The following FAM107A variants were observed in gnomAD, a reference collection of about 807,000 sequenced individuals.
FAM107A encodes the protein family with sequence similarity 107 member A, also known as actin-associated protein FAM107A.
Under a neutral mutation model 13.7 loss-of-function variants are expected in FAM107A, and 19 were observed. That is an observed-to-expected ratio of 1.38 (90% confidence interval 0.97 to 2.03). The LOEUF is 2.03. Among genes scored for constraint, FAM107A ranks in the 30% most tolerant of loss-of-function variants. The probability of loss-of-function intolerance (pLI) is 0.00; values close to 1 mark genes in which losing one functional copy is unlikely to be tolerated. For missense variants in FAM107A, 203 were observed against 184.4 expected, an observed-to-expected ratio of 1.10 and a Z score of -0.58; for synonymous variants, 82 against 74.5, an observed-to-expected ratio of 1.10 and a Z score of -0.52.
upstream of FAM107A, among the ~76,000 whole-genome samples, chr3:58,582,112 T>C (rs1313695513): frequency 6.6e-6 from 1 of 152,260 alleles, no homozygotes; most frequent in African/African-American, 2.4e-5. Context: ...TCATGATTCC[T>C]GGCAGCATAG....
chr3:58,621,848 TG>T (rs1559488900), intron 1 of FAM107A, among the ~76,000 whole-genome samples: 1 of 152,226 alleles, frequency 6.6e-6, no homozygotes, highest in Non-Finnish European at 1.5e-5. Flanking sequence ...GAGTGCTGCC[TG>T]GCTAGGCACA....
At chr3:58,597,947 G>T (rs1203277850) in intron 1 of FAM107A, among the ~76,000 whole-genome samples, 1 of 152,208 alleles carries the variant, frequency 6.6e-6, no homozygotes, top group Non-Finnish European at 1.5e-5. Flanking sequence ...TTTTACAGAG[G>T]AGGAAACTGA....
chr3:58,590,131 A>G (rs1166518895), upstream of FAM107A, among the ~76,000 whole-genome samples: 2 of 152,194 alleles, frequency 1.3e-5, no homozygotes, highest in Admixed American at 6.5e-5. Context: ...ACCTTGTCCA[A>G]TCAGCTACCT....
intron 1 of FAM107A, among the ~76,000 whole-genome samples, chr3:58,594,570 T>C (rs9830524): frequency 0.24 from 37,123 of 152,118 alleles, 5,165 homozygotes; most frequent in East Asian, 0.46. Flanking sequence ...TCTCCACCTA[T>C]ATGTGTCTAC....
rs892421691 is a variant in FAM107A, at chr3:58,604,395, A to G, written c.-69-15126T>C. Among the ~76,000 whole-genome samples the G allele has an allele frequency of 6.6e-6, 1 of 152,058 alleles. No individual in the cohort carries two copies. The highest frequency in any genetic ancestry group is 6.5e-5 in the Admixed American group (1 of 15,274). On this transcript the variant is annotated intron_variant, in intron 1 of 3. Transcript: ENST00000465970. This position sits in a 1 kb window ranked among gnomAD's most constrained non-coding sequence, Gnocchi z 4.1. ...GGGCTGATAACAGGTCCTGTGCCAGACAGACTCAGAATTCTGGAGAGAAAG... is the reference window on the plus strand; with the variant it reads ...GGGCTGATAACAGGTCCTGTGCCAGGCAGACTCAGAATTCTGGAGAGAAAG...
At chr3:58,605,006 C>T (rs954505721) in intron 1 of FAM107A, among the ~76,000 whole-genome samples, 1 of 152,200 alleles carries the variant, frequency 6.6e-6, no homozygotes, top group African/African-American at 2.4e-5. Context: ...CTTGTTTTTG[C>T]ACTCCTGCAA....
At chr3:58,611,971 C>T (rs59527776) in intron 1 of FAM107A, among the ~76,000 whole-genome samples, 139,286 of 150,138 alleles carry the variant, frequency 0.93, 64,765 homozygotes, top group Non-Finnish European at 0.96. Flanking sequence ...GGTTTTTTTT[C>T]TTCTTCTTTT....
intron 1 of FAM107A, among the ~76,000 whole-genome samples, chr3:58,605,280 G>T (rs2065783632): frequency 6.6e-6 from 1 of 152,172 alleles, no homozygotes. Context: ...CTGCTCTCTG[G>T]TAAGTCTCAG....
At chr3:58,611,880 T>C (rs749737783) in intron 1 of FAM107A, among the ~76,000 whole-genome samples, 22 of 152,220 alleles carry the variant, frequency 1.4e-4, no homozygotes, top group Non-Finnish European at 2.8e-4. Context: ...AAATTATTTT[T>C]TGAAATGAAA....
chr3:58,586,764 G>A, intron 1 of FAM107A: 1 of 1,277,020 alleles, frequency 7.8e-7, no homozygotes, highest in Non-Finnish European at 1.0e-6. Context: ...AAGCAGAGGC[G>A]CCCAGCGGCG....
intron 1 of FAM107A, among the ~76,000 whole-genome samples, chr3:58,575,089 C>T (rs1011781148): frequency 1.3e-5 from 2 of 152,196 alleles, no homozygotes; most frequent in Admixed American, 6.5e-5. Flanking sequence ...TTCCACTTGC[C>T]TCTCCACTGT....
At chr3:58,580,161 T>C (rs2065514798), upstream of FAM107A, among the ~76,000 whole-genome samples, 1 of 151,934 alleles carries the variant, frequency 6.6e-6, no homozygotes, top group African/African-American at 2.4e-5. Context: ...CATGTCTATG[T>C]ATTGACCTGA....
At position 58,604,814 on chromosome 3, in the gene FAM107A, T is replaced by C. The variant is rs1038279032; in HGVS notation, c.-69-15545A>G. 2.6e-5 allele frequency among the ~76,000 whole-genome samples: 4 copies of C among 152,222 alleles called. No individual in the cohort carries two copies. Among genetic ancestry groups the C allele is most frequent in the African/African-American group, 7.2e-5 (3 of 41,458 alleles). ...TAGTTTCTATTGGCTGCTTTTTTCT[T>C]GACTAAGGATCACATTTTCCTGTCT... On this transcript the variant is annotated intron_variant, in intron 1 of 3. Transcript: ENST00000465970. The surrounding 1 kb of genome is among the most constrained non-coding windows in gnomAD (Gnocchi z 4.1).
intron 1 of FAM107A, chr3:58,574,337 G>C (rs1364151864): frequency 2.0e-5 from 3 of 152,306 alleles, no homozygotes; most frequent in South Asian, 2.1e-4. Context: ...AATGGGTTTG[G>C]GGGGCGGCTT....
At chr3:58,597,143 A>G (rs1409749066) in intron 1 of FAM107A, among the ~76,000 whole-genome samples, 2 of 152,224 alleles carry the variant, frequency 1.3e-5, no homozygotes, top group Non-Finnish European at 2.9e-5. Flanking sequence ...TATCACTCCT[A>G]AAGCTGCTAT....
At chr3:58,594,768 T>C (rs1431540191) in intron 1 of FAM107A, among the ~76,000 whole-genome samples, 1 of 152,194 alleles carries the variant, frequency 6.6e-6, no homozygotes, top group Non-Finnish European at 1.5e-5. Flanking sequence ...GAGGACTGTA[T>C]ATTTTCAAAT....
At chr3:58,616,081 C>T (rs1453881849) in intron 1 of FAM107A, among the ~76,000 whole-genome samples, 1 of 151,922 alleles carries the variant, frequency 6.6e-6, no homozygotes, top group South Asian at 2.1e-4. Flanking sequence ...GAGTAGGGAG[C>T]CCAGAGCACG....
At chr3:58,582,187 A>C (rs552414004), upstream of FAM107A, among the ~76,000 whole-genome samples, 1 of 152,364 alleles carries the variant, frequency 6.6e-6, no homozygotes, top group Admixed American at 6.5e-5. Flanking sequence ...AATGAGCACC[A>C]AATAACTTTT....
At chr3:58,598,847 T>C (rs778650579) in intron 1 of FAM107A, among the ~76,000 whole-genome samples, 5 of 152,208 alleles carry the variant, frequency 3.3e-5, no homozygotes, top group Admixed American at 6.5e-5. Context: ...ACTCTTCTGA[T>C]CTACTACAGT....
Sources: allele counts gnomAD v4.1 joint callset (sites outside exome capture counted in the v4.1 genomes callset), GRCh38; gene constraint gnomAD v4.1.1; non-coding constraint Gnocchi (gnomAD v3.1); transcripts MANE v1.5; gene names NCBI Gene and HGNC (gene_info 2026-07-23, HGNC 2026-07-21).